Variants in EYA4 observed in about 807,000 individuals in gnomAD.
EYA4 encodes the protein protein phosphatase EYA4.
Under a neutral mutation model 87.9 loss-of-function variants are expected in EYA4, and 31 were observed. The observed-to-expected ratio is 0.35, with a 90% CI of 0.27 to 0.48. The LOEUF (loss-of-function observed/expected upper bound fraction) is 0.48, where lower values mean the gene tolerates loss of function less well. EYA4 is among the 20% of genes least tolerant of loss of function. EYA4 has a pLI of 0.99. For missense variants in EYA4, 678 were observed against 761.4 expected, an observed-to-expected ratio of 0.89 and a Z score of 1.29; for synonymous variants, 263 against 270.6, an observed-to-expected ratio of 0.97 and a Z score of 0.28.
intron 2 of EYA4, among the ~76,000 whole-genome samples, chr6:133,352,711 C>T (rs1440600978): frequency 6.6e-6 from 1 of 152,100 alleles, no homozygotes; most frequent in Non-Finnish European, 1.5e-5. Flanking sequence ...ATCCAGCTGA[C>T]TTAACTTACT....
chr6:133,254,091 T>C (rs1775143313), intron 1 of EYA4, among the ~76,000 whole-genome samples: 1 of 152,182 alleles, frequency 6.6e-6, no homozygotes, highest in Non-Finnish European at 1.5e-5. Context: ...GCCTCATTTG[T>C]ACCAAAGTAT....
At chr6:133,483,959 A>G (rs535404754) in intron 13 of EYA4, among the ~76,000 whole-genome samples, 30 of 152,056 alleles carry the variant, frequency 2.0e-4, no homozygotes, top group Admixed American at 1.2e-3. Flanking sequence ...CCTGACCTCA[A>G]GTGATCTGCC....
intron 13 of EYA4, among the ~76,000 whole-genome samples, chr6:133,490,521 AAG>A (rs1188141270): frequency 1.3e-5 from 2 of 152,090 alleles, no homozygotes; most frequent in African/African-American, 4.8e-5. Flanking sequence ...AAAACTAAAA[AAG>A]AGCTAGAGTA....
At chr6:133,526,532 G>A (rs946568047) in intron 19 of EYA4, among the ~76,000 whole-genome samples, 1 of 152,160 alleles carries the variant, frequency 6.6e-6, no homozygotes, top group African/African-American at 2.4e-5. Context: ...TTTTGGTGAC[G>A]TATTGGCAGC....
intron 13 of EYA4, among the ~76,000 whole-genome samples, chr6:133,485,375 T>A (rs1475311919): frequency 6.6e-6 from 1 of 152,150 alleles, no homozygotes; most frequent in Non-Finnish European, 1.5e-5. Flanking sequence ...TATGGAAGGC[T>A]CATGATGCGC....
chr6:133,462,349 T>C lies in EYA4; in HGVS notation c.452T>C (p.Ile151Thr), dbSNP rs2128658440. Residue 151 changes from isoleucine to threonine, a missense_variant, in exon 8 of 20, where the codon ATT becomes ACT. Coordinates refer to ENST00000355286, the MANE Select transcript of EYA4 (RefSeq NM_004100.5). ...CTGATATTTAGGCCCTATCCACACATTCTTTCTACACCAGCAGCTCAAACA... is the reference window on the plus strand; with the variant it reads ...CTGATATTTAGGCCCTATCCACACACTCTTTCTACACCAGCAGCTCAAACA... ...QLYPSKPYPH[I>T]LSTPAAQTMS... is the part of the protein sequence containing the mutation. 6 of 1,614,048 alleles carry C rather than the reference T, an allele frequency of 3.7e-6. No individual in the cohort carries two copies. Among genetic ancestry groups the C allele is most frequent in the Non-Finnish European group, 5.1e-6 (6 of 1,179,904 alleles).
At chr6:133,510,179 G>A (rs1183084947) in intron 14 of EYA4, among the ~76,000 whole-genome samples, 1 of 152,022 alleles carries the variant, frequency 6.6e-6, no homozygotes, top group Non-Finnish European at 1.5e-5. Flanking sequence ...AATGTCAGAG[G>A]AATTTCTCTA....
intron 11 of EYA4, among the ~76,000 whole-genome samples, chr6:133,479,383 T>A (rs1370830965): frequency 6.6e-6 from 1 of 152,184 alleles, no homozygotes; most frequent in Non-Finnish European, 1.5e-5. Flanking sequence ...GCTGGCAATA[T>A]TTTAAGTGCA....
At chr6:133,524,180 A>C (rs1800427216) in intron 18 of EYA4, among the ~76,000 whole-genome samples, 1 of 152,188 alleles carries the variant, frequency 6.6e-6, no homozygotes, top group Admixed American at 6.6e-5. Context: ...GACTAATAGA[A>C]AGAAGGTAAT....
At chr6:133,511,679 A>AT (rs1799149124) in intron 14 of EYA4, 2 of 152,146 alleles carry the variant, frequency 1.3e-5, no homozygotes, top group Non-Finnish European at 2.9e-5. Flanking sequence ...ACTTACAATC[A>AT]GGTCAACTGT....
At chr6:133,483,232 T>G (rs1268242328) in intron 13 of EYA4, 117 bp downstream of exon 13, 7 of 725,622 alleles carry the variant, frequency 9.6e-6, no homozygotes, top group African/African-American at 3.5e-5. Context: ...CTGTGAAATC[T>G]TCTCTTAATT....
chr6:133,265,831 G>A (rs1483639724), intron 1 of EYA4, among the ~76,000 whole-genome samples: 1 of 152,160 alleles, frequency 6.6e-6, no homozygotes, highest in Non-Finnish European at 1.5e-5. Flanking sequence ...GACAAAGAAA[G>A]GCTAGTTTTG....
At chr6:133,406,314 A>C (rs1217185228) in intron 3 of EYA4, among the ~76,000 whole-genome samples, 1 of 152,230 alleles carries the variant, frequency 6.6e-6, no homozygotes, top group Non-Finnish European at 1.5e-5. Context: ...ATGACTACTC[A>C]TTGGCCAGAG....
At chr6:133,334,298 C>T (rs1456713547) in intron 2 of EYA4, among the ~76,000 whole-genome samples, 1 of 152,208 alleles carries the variant, frequency 6.6e-6, no homozygotes, top group South Asian at 2.1e-4. Context: ...GGACAGAATT[C>T]GTGTAACTCC....
chr6:133,316,874 G>A (rs1419652617), intron 2 of EYA4, among the ~76,000 whole-genome samples: 1 of 152,128 alleles, frequency 6.6e-6, no homozygotes, highest in Non-Finnish European at 1.5e-5. Flanking sequence ...AGCCTTCCCT[G>A]GGTCCTAGTG....
At chr6:133,299,953 A>ATATG (rs1310092057) in intron 2 of EYA4, among the ~76,000 whole-genome samples, 1 of 108,172 alleles carries the variant, frequency 9.2e-6, no homozygotes, top group African/African-American at 3.2e-5. Flanking sequence ...CTATCTATCT[A>ATATG]TCTATATATA....
chr6:133,531,468 T>C lies in EYA4; in HGVS notation c.*2663T>C. ...TTGACATATGGAATATTGTGCCTTA[T>C]TGTAAACCAGTTTGAAAAATGTTCT... is the stretch of plus-strand genomic sequence containing the variant. On this transcript the variant is annotated 3_prime_UTR_variant, in exon 20 of 20. Transcript: ENST00000355286. The C allele has an allele frequency of 2.1e-6, 1 of 477,674 alleles. No homozygotes were observed. Among genetic ancestry groups the C allele is most frequent in the East Asian group, 3.2e-5 (1 of 31,088 alleles). 29.6% of individuals were successfully genotyped at this position (477,674 alleles called of 1,614,324 possible).
At chr6:133,326,423 A>G (rs1562292455) in intron 2 of EYA4, among the ~76,000 whole-genome samples, 1 of 152,230 alleles carries the variant, frequency 6.6e-6, no homozygotes, top group Non-Finnish European at 1.5e-5. Context: ...GTATAATGCA[A>G]ATATTCCAAA....
In EYA4 at chr6:133,439,049, C is replaced by CAAAAAAAAAAAAAAAAAAAAAA. The variant is rs56261819; in HGVS notation, c.84-7575_84-7554dup. ...TGGGTGACAAAGCGAGACTCCGTCT[C>CAAAAAAAAAAAAAAAAAAAAAA]AAAAAAAAAAAAAAAAAAAAAAAAA... is the stretch of plus-strand genomic sequence containing the variant. On this transcript the variant is annotated intron_variant, in intron 3 of 19. Transcript: ENST00000355286. Among the ~76,000 whole-genome samples the CAAAAAAAAAAAAAAAAAAAAAA allele has an allele frequency of 6.7e-4, 43 of 64,032 alleles. 1 individual carries two copies. Among genetic ancestry groups the CAAAAAAAAAAAAAAAAAAAAAA allele is most frequent in the Admixed American group, 1.8e-3 (7 of 3,842 alleles). 42.0% of individuals were successfully genotyped at this position (64,032 alleles called of 152,430 possible).
Sources: gnomAD v4.1 joint callset for allele counts (sites outside exome capture counted in the v4.1 genomes callset) on GRCh38, gnomAD v4.1.1 for gene constraint, MANE v1.5 for transcripts, NCBI Gene and HGNC (gene_info 2026-07-23, HGNC 2026-07-21) for gene names.